BNC2: variants seen among roughly 807,000 people sequenced by gnomAD.
The protein encoded by BNC2 is zinc finger protein basonuclin-2.
BNC2 carries 20 observed loss-of-function variants against 76.3 expected under a neutral mutation model. The observed-to-expected ratio is 0.26, with a 90% CI of 0.18 to 0.38. The LOEUF is 0.38. Ranked by LOEUF, BNC2 falls within the 10% of genes least tolerant of loss-of-function variation. The pLI is 1.00. For missense variants in BNC2, 1,382 were observed against 1,399.8 expected (o/e 0.99, Z 0.20); for synonymous variants, 582 against 514.8 (o/e 1.13, Z -1.77).
At chr9:16,737,797 A>T (rs547075561) in intron 2 of BNC2, among the ~76,000 whole-genome samples, 81 of 152,222 alleles carry the variant, frequency 5.3e-4, no homozygotes, top group Middle Eastern at 3.4e-3. Flanking sequence ...CCCTTAGAAG[A>T]TCTGCATAGT....
intron 3 of BNC2, among the ~76,000 whole-genome samples, chr9:16,612,075 C>T (rs1056511015): frequency 6.7e-6 from 1 of 149,318 alleles, no homozygotes; most frequent in Non-Finnish European, 1.5e-5. Context: ...AACTAGAAAA[C>T]AGAAGCAAAA....
chr9:16,454,107 G>A (rs769879603), intron 5 of BNC2, among the ~76,000 whole-genome samples: 15 of 151,932 alleles, frequency 9.9e-5, no homozygotes, highest in Non-Finnish European at 1.5e-4. Context: ...TGAATTCTGT[G>A]ATCTGTTCAG....
At chr9:16,839,354 C>T (rs553949014) in intron 1 of BNC2, among the ~76,000 whole-genome samples, 100 of 152,300 alleles carry the variant, frequency 6.6e-4, no homozygotes, top group African/African-American at 2.2e-3. Flanking sequence ...AAAAGTTACA[C>T]GCCATCACCC....
intron 3 of BNC2, among the ~76,000 whole-genome samples, chr9:16,677,578 A>AACACACACAC (rs57587457): frequency 0.019 from 2,689 of 139,286 alleles, 68 homozygotes; most frequent in African/African-American, 0.046. Flanking sequence ...GTCTCAAACA[A>AACACACACAC]ACACACACAC....
At chr9:16,812,713 T>G (rs1818082219) in intron 1 of BNC2, among the ~76,000 whole-genome samples, 1 of 152,210 alleles carries the variant, frequency 6.6e-6, no homozygotes, top group Admixed American at 6.5e-5. Context: ...GAAACAAAAT[T>G]TATTTTTAAA....
intron 5 of BNC2, among the ~76,000 whole-genome samples, chr9:16,550,746 G>T (rs898588973): frequency 1.9e-4 from 29 of 152,176 alleles, no homozygotes; most frequent in African/African-American, 6.0e-4. Flanking sequence ...AGAAGTATAA[G>T]CAGCATAGTG....
chr9:16,522,918 A>G (rs995904791), intron 5 of BNC2, among the ~76,000 whole-genome samples: 2 of 152,148 alleles, frequency 1.3e-5, no homozygotes, highest in Non-Finnish European at 2.9e-5. Flanking sequence ...ATCAAGCCTA[A>G]AACCATGATG....
At chr9:16,460,441 G>A (rs1401527555) in intron 5 of BNC2, among the ~76,000 whole-genome samples, 1 of 152,094 alleles carries the variant, frequency 6.6e-6, no homozygotes, top group African/African-American at 2.4e-5. Context: ...TGGCCAACAT[G>A]GTGAAACCCC....
At chr9:16,784,372 A>C (rs1231866018) in intron 1 of BNC2, among the ~76,000 whole-genome samples, 1 of 152,340 alleles carries the variant, frequency 6.6e-6, no homozygotes, top group African/African-American at 2.4e-5. Flanking sequence ...TATTTTCAAG[A>C]ATTTCTAAAT....
intron 1 of BNC2, among the ~76,000 whole-genome samples, chr9:16,750,833 G>A (rs923175311): frequency 5.9e-5 from 9 of 152,332 alleles, no homozygotes; most frequent in African/African-American, 1.9e-4. Context: ...CAGAAATGTT[G>A]AAAAATTTGG....
intron 3 of BNC2, among the ~76,000 whole-genome samples, chr9:16,684,761 A>C (rs1251585185): frequency 6.6e-6 from 1 of 152,108 alleles, no homozygotes; most frequent in Non-Finnish European, 1.5e-5. Flanking sequence ...ACATTCCTTA[A>C]ATATTATTAT....
chr9:16,762,155 G>T (rs1825570151), intron 1 of BNC2, among the ~76,000 whole-genome samples: 1 of 152,122 alleles, frequency 6.6e-6, no homozygotes, highest in South Asian at 2.1e-4. Flanking sequence ...GGTGAGCGTT[G>T]ATCCTCTATT....
At chr9:16,780,235 C>CAAAAAAAAA (rs372583425) in intron 1 of BNC2, among the ~76,000 whole-genome samples, 4 of 66,310 alleles carry the variant, frequency 6.0e-5, no homozygotes, top group African/African-American at 2.5e-4. Context: ...GACTTCGTTT[C>CAAAAAAAAA]AAAAAAAAAA....
intron 3 of BNC2, chr9:16,665,100 G>C (rs1381085618): frequency 2.0e-5 from 9 of 456,008 alleles, no homozygotes; most frequent in African/African-American, 1.8e-4. Context: ...CGGGTGCAGT[G>C]GCTCACGCCT....
chr9:16,485,593 AC>A (rs1822147846), intron 5 of BNC2, among the ~76,000 whole-genome samples: 2 of 152,162 alleles, frequency 1.3e-5, no homozygotes, highest in South Asian at 4.1e-4. Context: ...GCTAGGGCTT[AC>A]CAAAAAATTA....
At chr9:16,786,408 T>C (rs1485603296) in intron 1 of BNC2, among the ~76,000 whole-genome samples, 1 of 151,458 alleles carries the variant, frequency 6.6e-6, no homozygotes, top group Non-Finnish European at 1.5e-5. Context: ...GAATTTTACA[T>C]ACAAAGACCC....
chr9:16,721,025 T>A (rs1824140521), intron 3 of BNC2, among the ~76,000 whole-genome samples: 1 of 152,196 alleles, frequency 6.6e-6, no homozygotes, highest in African/African-American at 2.4e-5. Flanking sequence ...ATACTTTTAT[T>A]TTTCCTATTC....
chr9:16,650,546 A>C (rs1461480711), intron 3 of BNC2, among the ~76,000 whole-genome samples: 1 of 152,046 alleles, frequency 6.6e-6, no homozygotes, highest in Non-Finnish European at 1.5e-5. Flanking sequence ...ATTATTTCAA[A>C]ATTTTTTTTT....
At position 16,418,989 on chromosome 9, in the gene BNC2, C is replaced by T. The variant is rs758068770; in HGVS notation, c.3300G>A (p.Ter1100=). 55 of 1,613,882 alleles carry T rather than the reference C, an allele frequency of 3.4e-5. No homozygotes were observed. The highest frequency in any genetic ancestry group is 4.4e-5 in the South Asian group (4 of 91,080). ...HKNIPFTSVD[*] is the part of the protein sequence containing the mutation. Reference sequence around the variant, plus strand: ...GGCATTTGTAGTGTCCATTCTGAGACTAATCTACTGAAGTGAAGGGAATGT... The same window carrying T: ...GGCATTTGTAGTGTCCATTCTGAGATTAATCTACTGAAGTGAAGGGAATGT... Residue 1100 remains the stop codon, a stop_retained_variant, in exon 7 of 7, where the codon TAG becomes TAA. Transcript: ENST00000380672.
Sources: gnomAD v4.1 joint callset for allele counts (sites outside exome capture counted in the v4.1 genomes callset) on GRCh38, gnomAD v4.1.1 for gene constraint, MANE v1.5 for transcripts, NCBI Gene and HGNC (gene_info 2026-07-23, HGNC 2026-07-21) for gene names.